RAD51B: variants seen among roughly 807,000 people sequenced by gnomAD.
The protein encoded by RAD51B is DNA repair protein RAD51 homolog 2.
Under a neutral mutation model 42.2 loss-of-function variants are expected in RAD51B, and 38 were observed. The ratio of observed to expected loss-of-function variants is 0.90; its 90% CI spans 0.70 to 1.18. The LOEUF (loss-of-function observed/expected upper bound fraction) is 1.18. Ranked by LOEUF, RAD51B falls within the 50% of genes most tolerant of loss-of-function variation. RAD51B has a pLI of 0.00. For missense variants in RAD51B, 373 were observed against 400.7 expected, an observed-to-expected ratio of 0.93 and a Z score of 0.59; for synonymous variants, 154 against 145.2, an observed-to-expected ratio of 1.06 and a Z score of -0.43.
chr14:68,675,539 C>T (rs1270817878), intron 11 of RAD51B, among the ~76,000 whole-genome samples: 1 of 152,188 alleles, frequency 6.6e-6, no homozygotes, highest in Non-Finnish European at 1.5e-5. Flanking sequence ...ACCTTCCATT[C>T]TAAGTCAAAG....
At chr14:67,835,606 A>G (rs1013629020) in intron 4 of RAD51B, among the ~76,000 whole-genome samples, 4 of 151,654 alleles carry the variant, frequency 2.6e-5, no homozygotes, top group Non-Finnish European at 4.4e-5. Context: ...CACATAAATA[A>G]CATTATATAT....
chr14:68,035,335 A>G (rs1462579229), intron 7 of RAD51B, among the ~76,000 whole-genome samples: 2 of 152,084 alleles, frequency 1.3e-5, no homozygotes, highest in South Asian at 2.1e-4. Flanking sequence ...ATAAACTGAT[A>G]AAAGGAAAAT....
At chr14:67,954,346 T>C (rs989951779) in intron 7 of RAD51B, among the ~76,000 whole-genome samples, 1 of 152,178 alleles carries the variant, frequency 6.6e-6, no homozygotes, top group African/African-American at 2.4e-5. Flanking sequence ...CTTATTTTCC[T>C]GTATCTTATT....
chr14:67,929,457 A>C (rs1255029252), intron 7 of RAD51B, among the ~76,000 whole-genome samples: 1 of 152,088 alleles, frequency 6.6e-6, no homozygotes, highest in African/African-American at 2.4e-5. Flanking sequence ...AAGATACTTG[A>C]TATGATTTTA....
chr14:68,101,216 A>T (rs1237837830), intron 7 of RAD51B, among the ~76,000 whole-genome samples: 14 of 152,174 alleles, frequency 9.2e-5, no homozygotes, highest in Admixed American at 9.2e-4. Context: ...TCAAGGTAAG[A>T]TTTGGGTGGG....
At chr14:68,622,270 A>G (rs754754726) in intron 10 of RAD51B, among the ~76,000 whole-genome samples, 7 of 152,168 alleles carry the variant, frequency 4.6e-5, no homozygotes, top group African/African-American at 7.2e-5. Flanking sequence ...ATGGAGGAGG[A>G]GCCATTCTGA....
At chr14:68,631,485 C>T (rs566106381) in intron 10 of RAD51B, among the ~76,000 whole-genome samples, 18 of 152,170 alleles carry the variant, frequency 1.2e-4, no homozygotes, top group South Asian at 8.3e-4. Flanking sequence ...CACTACAGCT[C>T]GGAAGCCGGG....
chr14:68,504,873 GTTC>G (rs1031525161), intron 10 of RAD51B, among the ~76,000 whole-genome samples: 1 of 151,914 alleles, frequency 6.6e-6, no homozygotes, highest in Non-Finnish European at 1.5e-5. Flanking sequence ...CTCATTTCTT[GTTC>G]TTAATTTCTG....
intron 10 of RAD51B, among the ~76,000 whole-genome samples, chr14:68,637,524 A>G (rs1353466813): frequency 6.6e-6 from 1 of 152,198 alleles, no homozygotes; most frequent in Admixed American, 6.5e-5. Context: ...TGGTCTTTGT[A>G]TGTGATTCCC....
intron 5 of RAD51B, among the ~76,000 whole-genome samples, chr14:67,881,767 T>C (rs1047198909): frequency 1.3e-5 from 2 of 152,244 alleles, no homozygotes; most frequent in Non-Finnish European, 2.9e-5. Flanking sequence ...ATTTTCTACT[T>C]ATTATTTTAG....
chr14:68,028,300 A>G (rs185377375), intron 7 of RAD51B, among the ~76,000 whole-genome samples: 1 of 152,214 alleles, frequency 6.6e-6, no homozygotes, highest in African/African-American at 2.4e-5. Flanking sequence ...CCCTCTGATC[A>G]CTGTTACCAT....
At chr14:68,491,950 C>T (rs1222920830) in intron 10 of RAD51B, among the ~76,000 whole-genome samples, 2 of 152,204 alleles carry the variant, frequency 1.3e-5, no homozygotes, top group African/African-American at 2.4e-5. Flanking sequence ...CTAGAAAGCC[C>T]CACCGATTCC....
At chr14:68,343,497 G>T (rs1014283444) in intron 8 of RAD51B, among the ~76,000 whole-genome samples, 3 of 152,186 alleles carry the variant, frequency 2.0e-5, no homozygotes, top group African/African-American at 7.2e-5. Flanking sequence ...ATGATTTAAA[G>T]TTGGAACTTA....
chr14:68,356,825 CA>C (rs1345594305), intron 8 of RAD51B, among the ~76,000 whole-genome samples: 1 of 149,812 alleles, frequency 6.7e-6, no homozygotes, highest in Non-Finnish European at 1.5e-5. Flanking sequence ...ACTAAAAATA[CA>C]AAAAAAATTA....
intron 7 of RAD51B, among the ~76,000 whole-genome samples, chr14:68,115,408 G>A (rs1390147416): frequency 3.0e-5 from 3 of 99,988 alleles, no homozygotes; most frequent in Non-Finnish European, 5.8e-5. Context: ...GGTGGGGGGA[G>A]GGGGGAGGGA....
intron 10 of RAD51B, chr14:68,541,816 C>CT (rs1887983119): frequency 1.0e-6 from 1 of 985,232 alleles, no homozygotes; most frequent in African/African-American, 1.7e-5. Flanking sequence ...CTGCAAGAGT[C>CT]TATCTTTTAC....
In RAD51B at chr14:68,556,083, T is replaced by C. The variant is rs1422423692; in HGVS notation, c.1037-38402T>C. On this transcript the variant is annotated intron_variant, in intron 10 of 10. Transcript: ENST00000487270. ...AGCCAAGTCACTGTACTAGTGTTCTTCTTAAGAATACTTTTTATTTCTTCT... is the reference window on the plus strand; with the variant it reads ...AGCCAAGTCACTGTACTAGTGTTCTCCTTAAGAATACTTTTTATTTCTTCT... Among the ~76,000 whole-genome samples, 3 of 152,254 alleles carry C rather than the reference T, an allele frequency of 2.0e-5. No homozygotes were observed. The East Asian group carries it at 5.8e-4, about 29-fold the overall frequency.
At chr14:68,298,599 G>A (rs1297064638) in intron 8 of RAD51B, among the ~76,000 whole-genome samples, 1 of 152,204 alleles carries the variant, frequency 6.6e-6, no homozygotes, top group East Asian at 1.9e-4. Flanking sequence ...AATCTGCACT[G>A]TTTCTGTTAA....
chr14:68,625,104 T>A (rs545516061), intron 10 of RAD51B, among the ~76,000 whole-genome samples: 1 of 152,346 alleles, frequency 6.6e-6, no homozygotes, highest in Admixed American at 6.5e-5. Context: ...GGACCTGGAC[T>A]AGTCCCAGCC....
Sources: gnomAD v4.1 joint callset for allele counts (sites outside exome capture counted in the v4.1 genomes callset) on GRCh38, gnomAD v4.1.1 for gene constraint, MANE v1.5 for transcripts, NCBI Gene and HGNC (gene_info 2026-07-23, HGNC 2026-07-21) for gene names.